Variants in PRCP observed in about 807,000 individuals in gnomAD.
PRCP encodes the protein lysosomal Pro-X carboxypeptidase.
PRCP carries 46 observed loss-of-function variants against 54.2 expected under a neutral mutation model. The ratio of observed to expected loss-of-function variants is 0.85; its 90% CI spans 0.67 to 1.09. PRCP has a LOEUF of 1.09. Ranked by LOEUF, PRCP falls within the 50% of genes least tolerant of loss-of-function variation. The probability of loss-of-function intolerance (pLI) is 0.00; values close to 1 mark genes in which losing one functional copy is unlikely to be tolerated. For missense variants in PRCP, 613 were observed against 596.8 expected (o/e 1.03, Z -0.28); for synonymous variants, 240 against 212.2 (o/e 1.13, Z -1.14).
chr11:82,847,914 C>T (rs1858847263), intron 6 of PRCP, among the ~76,000 whole-genome samples: 1 of 152,112 alleles, frequency 6.6e-6, no homozygotes, highest in African/African-American at 2.4e-5. Context: ...GGTTTTCTAA[C>T]ATAAAACATG....
intron 1 of PRCP, among the ~76,000 whole-genome samples, chr11:82,887,462 G>A (rs1008310026): frequency 1.3e-5 from 2 of 152,176 alleles, no homozygotes; most frequent in Non-Finnish European, 2.9e-5. Context: ...CTATCATAGA[G>A]TGATACTTCA....
intron 6 of PRCP, among the ~76,000 whole-genome samples, chr11:82,844,265 G>A (rs965407932): frequency 2.0e-5 from 3 of 152,042 alleles, no homozygotes; most frequent in Non-Finnish European, 4.4e-5. Context: ...ACACAGCAAG[G>A]AAGTGGCAGA....
intron 2 of PRCP, among the ~76,000 whole-genome samples, chr11:82,854,261 A>T (rs1859027222): frequency 6.6e-6 from 1 of 152,136 alleles, no homozygotes; most frequent in Non-Finnish European, 1.5e-5. Context: ...AACCCCACAG[A>T]CTCCACCAAA....
At chr11:82,846,830 G>A (rs549766968) in intron 6 of PRCP, among the ~76,000 whole-genome samples, 1 of 152,288 alleles carries the variant, frequency 6.6e-6, no homozygotes, top group Non-Finnish European at 1.5e-5. Flanking sequence ...GAGGTAGGGA[G>A]AAAACCAGTT....
intron 1 of PRCP, among the ~76,000 whole-genome samples, chr11:82,892,192 CAG>C (rs1415024427): frequency 2.6e-4 from 40 of 152,142 alleles, no homozygotes; most frequent in Non-Finnish European, 5.1e-4. Context: ...TTGAAAGAAA[CAG>C]ATAAAAAACA....
intron 1 of PRCP, among the ~76,000 whole-genome samples, chr11:82,873,939 A>C (rs368015349): frequency 7.0e-4 from 107 of 152,326 alleles, no homozygotes; most frequent in African/African-American, 2.4e-3. Context: ...GGAAACTCCA[A>C]CTCAAATTCG....
At chr11:82,868,645 T>C (rs1360224985) in intron 1 of PRCP, among the ~76,000 whole-genome samples, 2 of 152,068 alleles carry the variant, frequency 1.3e-5, no homozygotes, top group African/African-American at 4.8e-5. Flanking sequence ...AAGAAAAACA[T>C]GTGCAAGGCT....
chr11:82,871,799 C>T (rs1859489331), intron 1 of PRCP, among the ~76,000 whole-genome samples: 1 of 152,234 alleles, frequency 6.6e-6, no homozygotes. Flanking sequence ...CTAAAGTCCT[C>T]CTAACCCTGC....
rs189829993 is a variant in PRCP at position 82,880,205 on chromosome 11, G to A, written c.168+20030C>T. Among the ~76,000 whole-genome samples, 272 of 152,282 alleles carry A rather than the reference G, an allele frequency of 1.8e-3. 1 individual carries two copies. Among genetic ancestry groups the A allele is most frequent in the African/African-American group, 5.9e-3 (246 of 41,566 alleles). ...GGGCTCCACCCAGTTCGAGCTTCCC[G>A]GCCACTTTGTTTACCTACTCAAGCC... On this transcript the variant is annotated intron_variant, in intron 1 of 8. Coordinates refer to ENST00000313010, the MANE Select transcript of PRCP (RefSeq NM_005040.4).
intron 1 of PRCP, among the ~76,000 whole-genome samples, chr11:82,893,637 T>G (rs886939870): frequency 2.0e-5 from 3 of 151,838 alleles, no homozygotes; most frequent in African/African-American, 7.3e-5. Context: ...ACAAAAAGAT[T>G]AAAAAATTAG....
At chr11:82,837,457 C>T (rs1858555406) in intron 8 of PRCP, among the ~76,000 whole-genome samples, 3 of 152,106 alleles carry the variant, frequency 2.0e-5, no homozygotes, top group African/African-American at 7.2e-5. Flanking sequence ...TAAGGAGATG[C>T]CTTTTAAAAA....
At chr11:82,890,950 GAGA>G (rs1386263777) in intron 1 of PRCP, among the ~76,000 whole-genome samples, 2 of 152,072 alleles carry the variant, frequency 1.3e-5, no homozygotes, top group Non-Finnish European at 2.9e-5. Flanking sequence ...ATGCAGTGTT[GAGA>G]AGATCATCTT....
Position 82,849,908 on chromosome 11 carries a change from G to C in PRCP, c.751+6C>G, listed in dbSNP as rs763416302. The stretch of plus-strand genomic sequence containing the variant: ...ACACAATTCCATTCTCTTAATTAAA[G>C]CTTACCAGTATTTGAGAGTCGATTA... On this transcript the variant is annotated splice_donor_region_variant and intron_variant, in intron 5 of 8. Coordinates refer to ENST00000313010, the MANE Select transcript of PRCP (RefSeq NM_005040.4). 2.8e-6 allele frequency: 4 copies of C among 1,452,922 alleles called. No individual in the cohort carries two copies. In the African/African-American group the frequency reaches 4.4e-5, roughly 16 times the overall value. The allele number at this position is 1,452,922 out of a possible 1,614,324, so 90.0% of individuals were successfully genotyped here.
At chr11:82,879,095 G>C (rs1295864469) in intron 1 of PRCP, among the ~76,000 whole-genome samples, 1 of 152,156 alleles carries the variant, frequency 6.6e-6, no homozygotes, top group Non-Finnish European at 1.5e-5. Context: ...GCTAGGTTTG[G>C]GAAGTTCTCC....
chr11:82,836,848 T>C, intron 8 of PRCP: 1 of 373,144 alleles, frequency 2.7e-6, no homozygotes. Context: ...GCATCCAGCC[T>C]CCTTGCATTT....
chr11:82,889,827 A>G (rs1315472159), intron 1 of PRCP, among the ~76,000 whole-genome samples: 1 of 152,210 alleles, frequency 6.6e-6, no homozygotes, highest in East Asian at 1.9e-4. Flanking sequence ...AGCAAACAAT[A>G]AAGAGTCGCA....
intron 3 of PRCP, among the ~76,000 whole-genome samples, chr11:82,850,824 G>A (rs191530312): frequency 6.6e-6 from 1 of 152,238 alleles, no homozygotes; most frequent in African/African-American, 2.4e-5. Flanking sequence ...TATAACTTTT[G>A]TTTTAAATCT....
intron 1 of PRCP, among the ~76,000 whole-genome samples, chr11:82,891,585 C>G (rs1860010029): frequency 6.6e-6 from 1 of 152,176 alleles, no homozygotes; most frequent in Non-Finnish European, 1.5e-5. Flanking sequence ...TTCTGTCCTC[C>G]TCTAGTACTC....
chr11:82,853,200 G>C lies in PRCP; in HGVS notation c.388C>G (p.Pro130Ala), dbSNP rs1396077436. Residue 130 changes from proline to alanine, a missense_variant, in exon 3 of 9, where the codon CCC becomes GCC. By Grantham distance (27) the Pro-to-Ala change is conservative. Transcript: ENST00000313010. ...AEHRYYGESL[P>A]FGDNSFKDSR... ...ACCTTGAATGAGTTGTCACCAAAGG[G>C]GAGAGACTCTCCATAGTATCGATGT... is the stretch of plus-strand genomic sequence containing the variant. 1 of 1,609,198 alleles carries C rather than the reference G, an allele frequency of 6.2e-7. No homozygotes were observed. Among genetic ancestry groups the C allele is most frequent in the African/African-American group, 1.3e-5 (1 of 74,774 alleles).
Sources: allele counts gnomAD v4.1 joint callset (sites outside exome capture counted in the v4.1 genomes callset), GRCh38; gene constraint gnomAD v4.1.1; transcripts MANE v1.5; gene names NCBI Gene and HGNC (gene_info 2026-07-23, HGNC 2026-07-21).